The following CACNA1D variants were observed in gnomAD, a reference collection of about 807,000 sequenced individuals.
CACNA1D encodes the protein calcium voltage-gated channel subunit alpha1 D.
A neutral mutation model predicts 257.1 loss-of-function variants in CACNA1D; 55 were observed. The observed-to-expected ratio is 0.21, with a 90% confidence interval of 0.17 to 0.27. The LOEUF (loss-of-function observed/expected upper bound fraction) is 0.27, where lower values mean the gene tolerates loss of function less well. CACNA1D is among the 10% of genes least tolerant of loss of function. The probability of loss-of-function intolerance (pLI) is 1.00; values close to 1 mark genes in which losing one functional copy is unlikely to be tolerated. For missense variants in CACNA1D, 1,876 were observed against 2,784.0 expected, an observed-to-expected ratio of 0.67 and a Z score of 7.34; for synonymous variants, 980 against 1,014.9, an observed-to-expected ratio of 0.97 and a Z score of 0.65.
At chr3:53,644,278 CTAAT>C (rs1193586562) in intron 3 of CACNA1D, among the ~76,000 whole-genome samples, 2 of 152,150 alleles carry the variant, frequency 1.3e-5, no homozygotes, top group African/African-American at 2.4e-5. Flanking sequence ...CTAAATTAAA[CTAAT>C]TAACATATCT....
rs1370071646 is a variant in CACNA1D at position 53,803,625 on chromosome 3, C to T, written c.5585+53C>T. The T allele has an allele frequency of 1.8e-5, 29 of 1,586,632 alleles. No individual in the cohort carries two copies. The East Asian group carries it at 4.0e-4, about 22-fold the overall frequency. On this transcript the variant is annotated intron_variant, in intron 44 of 47. Transcript: ENST00000350061. ...CGGGAGGCCGCCCTGCCCTGGTGCTCGGCCCACTCCGGAAGCCAGGGCCAC... is the reference window on the plus strand; with the variant it reads ...CGGGAGGCCGCCCTGCCCTGGTGCTTGGCCCACTCCGGAAGCCAGGGCCAC...
At chr3:53,525,169 A>T (rs1460036984) in intron 3 of CACNA1D, among the ~76,000 whole-genome samples, 7 of 152,092 alleles carry the variant, frequency 4.6e-5, no homozygotes, top group East Asian at 3.9e-4. Flanking sequence ...GTTGGCAAGG[A>T]CTCTGGGCCG....
intron 4 of CACNA1D, among the ~76,000 whole-genome samples, chr3:53,657,584 A>C (rs2094160783): frequency 6.6e-6 from 1 of 152,216 alleles, no homozygotes; most frequent in South Asian, 2.1e-4. Context: ...AAAAAAAGGA[A>C]ACTGAAGTAG....
intron 29 of CACNA1D, among the ~76,000 whole-genome samples, chr3:53,755,166 A>G: frequency 6.6e-6 from 1 of 152,254 alleles, no homozygotes; most frequent in East Asian, 1.9e-4. Context: ...GCAAAGTAAG[A>G]ACATCGAAGG....
intron 39 of CACNA1D, among the ~76,000 whole-genome samples, chr3:53,783,689 T>C (rs1202718835): frequency 6.6e-6 from 1 of 152,236 alleles, no homozygotes; most frequent in Non-Finnish European, 1.5e-5. Flanking sequence ...CTTTGGTGCA[T>C]AGACTCTGGA....
intron 3 of CACNA1D, among the ~76,000 whole-genome samples, chr3:53,537,838 C>T (rs2092158814): frequency 6.6e-6 from 1 of 152,178 alleles, no homozygotes; most frequent in Non-Finnish European, 1.5e-5. Flanking sequence ...ATATGTTCCT[C>T]TCTCCTCTGA....
chr3:53,650,959 T>C (rs1559468830), intron 4 of CACNA1D, 41 bp downstream of exon 4: 1 of 1,513,062 alleles, frequency 6.6e-7, no homozygotes, highest in East Asian at 2.3e-5. Context: ...ATTTGGAAAA[T>C]GGGAGGTGGA....
At chr3:53,781,456 A>G in intron 38 of CACNA1D, 110 bp from the exon 39 acceptor site, 1 of 751,368 alleles carries the variant, frequency 1.3e-6, no homozygotes. Flanking sequence ...GAGCCCCATC[A>G]GAGGGCAGCA....
At chr3:53,516,092 C>T (rs1175840415) in intron 3 of CACNA1D, among the ~76,000 whole-genome samples, 1 of 152,242 alleles carries the variant, frequency 6.6e-6, no homozygotes, top group Admixed American at 6.5e-5. Context: ...TAATAATTCT[C>T]ATCTCACTTT....
At chr3:53,568,455 G>A (rs773051787) in intron 3 of CACNA1D, among the ~76,000 whole-genome samples, 4 of 152,062 alleles carry the variant, frequency 2.6e-5, no homozygotes, top group Non-Finnish European at 5.9e-5. Flanking sequence ...AATTCAAGCC[G>A]CCAGGAGAGA....
chr3:53,512,311 A>G (rs548622560), intron 3 of CACNA1D, among the ~76,000 whole-genome samples: 1 of 152,364 alleles, frequency 6.6e-6, no homozygotes, highest in East Asian at 1.9e-4. Context: ...CAGGTGTTTA[A>G]TAAATCTTTT....
At chr3:53,641,434 G>T (rs2093948458) in intron 3 of CACNA1D, among the ~76,000 whole-genome samples, 1 of 152,144 alleles carries the variant, frequency 6.6e-6, no homozygotes, top group African/African-American at 2.4e-5. Context: ...GAACAGTGTT[G>T]TAGCCATCTT....
chr3:53,705,699 G>C (rs1316715984), intron 9 of CACNA1D, among the ~76,000 whole-genome samples: 4 of 152,200 alleles, frequency 2.6e-5, no homozygotes, highest in Admixed American at 6.5e-5. Flanking sequence ...AATCTTGGCT[G>C]TGGAGGCCAT....
chr3:53,666,621 G>A, intron 7 of CACNA1D, 86 bp downstream of exon 7: 1 of 1,107,938 alleles, frequency 9.0e-7, no homozygotes, highest in Non-Finnish European at 1.4e-6. Flanking sequence ...AGAGGTGGCT[G>A]GAAAAGAAAC....
Position 53,497,256 on chromosome 3 carries a change from G to C in CACNA1D, c.172G>C (p.Asp58His). The change falls in exon 2 of 48, where the codon GAT (aspartate) becomes CAT (histidine). Residue 58 changes from aspartate to histidine, a missense_variant. Physicochemically the swap from Asp to His is moderately conservative, Grantham distance 81. Transcript: ENST00000350061. ...TGTCCTGTCTTGGCAAGCTGCAATC[G>C]ATGCTGCTAGACAGGCCAAGGCTGC... The part of the protein sequence containing the change: ...QTVLSWQAAI[D>H]AARQAKAAQT... The C allele has an allele frequency of 6.2e-7, 1 of 1,614,104 alleles. No individual in the cohort carries two copies.
chr3:53,646,762 C>A (rs1380796208), intron 3 of CACNA1D, among the ~76,000 whole-genome samples: 7 of 152,204 alleles, frequency 4.6e-5, no homozygotes, highest in Admixed American at 4.6e-4. Context: ...AGCTTGGGAG[C>A]TCTGTGAGGA....
chr3:53,778,543 A>T (rs2095409875), intron 37 of CACNA1D, among the ~76,000 whole-genome samples: 1 of 152,232 alleles, frequency 6.6e-6, no homozygotes, highest in Admixed American at 6.5e-5. Context: ...ACATGCTGTT[A>T]ATGAAAAATA....
At position 53,788,346 on chromosome 3, in the gene CACNA1D, C is replaced by G. The variant is rs74912129; in HGVS notation, c.4923+1394C>G. Among the ~76,000 whole-genome samples the G allele has an allele frequency of 5.0e-3, 767 of 152,208 alleles. 8 individuals are homozygous for G. The highest frequency in any genetic ancestry group is 0.017 in the African/African-American group (719 of 41,502). On this transcript the variant is annotated intron_variant, in intron 40 of 47. Coordinates refer to ENST00000350061, the MANE Select transcript of CACNA1D (RefSeq NM_001128840.3). ...GATCTTCCTGCCTCTCATCACGTAT[C>G]CTAAAGGTAGCTGAGGGAATCACAG...
At chr3:53,637,718 T>G (rs1326250672) in intron 3 of CACNA1D, among the ~76,000 whole-genome samples, 2 of 152,144 alleles carry the variant, frequency 1.3e-5, no homozygotes, top group Non-Finnish European at 2.9e-5. Context: ...TCAGTGCAAG[T>G]GACATGGGTT....
Sources: gnomAD v4.1 joint callset for allele counts (sites outside exome capture counted in the v4.1 genomes callset) on GRCh38, gnomAD v4.1.1 for gene constraint, MANE v1.5 for transcripts, NCBI Gene and HGNC (gene_info 2026-07-23, HGNC 2026-07-21) for gene names.